SH3RF3: variants seen among roughly 807,000 people sequenced by gnomAD.
SH3RF3 encodes SH3 domain containing ring finger 3.
Under a neutral mutation model 66.3 loss-of-function variants are expected in SH3RF3, and 29 were observed. That is an observed-to-expected ratio of 0.44 (90% confidence interval 0.33 to 0.60). The LOEUF (loss-of-function observed/expected upper bound fraction) is 0.60, where lower values mean the gene tolerates loss of function less well. Among genes scored for constraint, SH3RF3 ranks in the 20% least tolerant of loss-of-function variants. The pLI, the probability that SH3RF3 is intolerant of heterozygous loss-of-function variation, is 0.04. For synonymous variants in SH3RF3, 583 were observed against 532.0 expected (o/e 1.10, Z -1.32); for missense variants, 1,194 against 1,190.9 (o/e 1.00, Z -0.04).
chr2:109,453,135 G>A lies in SH3RF3; in HGVS notation c.2148+3646G>A, dbSNP rs565837678. Among the ~76,000 whole-genome samples, 4 of 152,268 alleles carry A rather than the reference G, an allele frequency of 2.6e-5. No individual in the cohort carries two copies. The East Asian group carries it at 5.8e-4, about 22-fold the overall frequency. ...GGATAATACAAGTGCAGACAGAGTG[G>A]CAGTTCTTTCTCCAGACCCATTCCT... On this transcript the variant is annotated intron_variant, in intron 8 of 9. Transcript: ENST00000309415.
intron 8 of SH3RF3, among the ~76,000 whole-genome samples, chr2:109,480,367 A>C (rs1678805246): frequency 6.6e-6 from 1 of 152,128 alleles, no homozygotes; most frequent in Non-Finnish European, 1.5e-5. Flanking sequence ...AACAGAAGAC[A>C]TAAGGCATTT....
At chr2:109,144,872 C>T (rs113607731) in intron 1 of SH3RF3, among the ~76,000 whole-genome samples, 22 of 152,244 alleles carry the variant, frequency 1.4e-4, no homozygotes, top group Admixed American at 1.4e-3. Context: ...GAATAGGCCT[C>T]GCTCAGCAAG....
At chr2:109,460,672 C>A (rs1044723329) in intron 8 of SH3RF3, among the ~76,000 whole-genome samples, 12 of 152,144 alleles carry the variant, frequency 7.9e-5, no homozygotes, top group Non-Finnish European at 1.8e-4. Flanking sequence ...ACATGTTTTC[C>A]CATTGAAAGA....
chr2:109,372,890 A>G (rs1658517371), intron 3 of SH3RF3, among the ~76,000 whole-genome samples: 1 of 152,204 alleles, frequency 6.6e-6, no homozygotes, highest in African/African-American at 2.4e-5. Context: ...CAGATACTTA[A>G]AGATGTTTGT....
intron 1 of SH3RF3, among the ~76,000 whole-genome samples, chr2:109,343,967 C>A (rs1368922067): frequency 6.6e-6 from 1 of 152,134 alleles, no homozygotes; most frequent in Non-Finnish European, 1.5e-5. Flanking sequence ...TAGCCTTAAA[C>A]TCCTGGCCTC....
At chr2:109,239,990 A>G (rs868252052) in intron 1 of SH3RF3, among the ~76,000 whole-genome samples, 28 of 152,314 alleles carry the variant, frequency 1.8e-4, no homozygotes, top group Middle Eastern at 3.4e-3. Context: ...CCTCTGTGGA[A>G]TGCTTGCTGG....
intron 3 of SH3RF3, among the ~76,000 whole-genome samples, chr2:109,373,110 G>A (rs1683309199): frequency 6.6e-6 from 1 of 152,128 alleles, no homozygotes; most frequent in African/African-American, 2.4e-5. Flanking sequence ...CCACAGCAAT[G>A]GCAGATAATT....
intron 2 of SH3RF3, among the ~76,000 whole-genome samples, chr2:109,360,172 T>C (rs1683027169): frequency 6.6e-6 from 1 of 152,192 alleles, no homozygotes; most frequent in Non-Finnish European, 1.5e-5. Flanking sequence ...TAACAGCTGA[T>C]ACAGGTATTC....
At chr2:109,270,509 A>C (rs1206967658) in intron 1 of SH3RF3, among the ~76,000 whole-genome samples, 1 of 152,118 alleles carries the variant, frequency 6.6e-6, no homozygotes, top group Non-Finnish European at 1.5e-5. Context: ...TGTGGACAGG[A>C]GGGTGAGTAG....
intron 7 of SH3RF3, among the ~76,000 whole-genome samples, chr2:109,448,630 G>T (rs950014915): frequency 6.6e-6 from 1 of 152,200 alleles, no homozygotes; most frequent in African/African-American, 2.4e-5. Flanking sequence ...GGCCTGTCTA[G>T]TTGCAGGAAA....
chr2:109,298,542 CTT>C (rs910924176), intron 1 of SH3RF3, among the ~76,000 whole-genome samples: 1 of 152,112 alleles, frequency 6.6e-6, no homozygotes, highest in African/African-American at 2.4e-5. Context: ...CTGACCTTGA[CTT>C]TGGCCAACTG....
intron 1 of SH3RF3, among the ~76,000 whole-genome samples, chr2:109,172,580 C>T (rs1490225634): frequency 6.6e-6 from 1 of 152,174 alleles, no homozygotes; most frequent in Admixed American, 6.5e-5. Flanking sequence ...GATTATTGGG[C>T]TGCACCTGGC....
intron 8 of SH3RF3, among the ~76,000 whole-genome samples, chr2:109,465,461 T>A (rs1678316134): frequency 6.6e-6 from 1 of 152,218 alleles, no homozygotes; most frequent in African/African-American, 2.4e-5. Flanking sequence ...GAATGAGAGT[T>A]CTCATTGCTT....
At chr2:109,187,040 G>A (rs1678209286) in intron 1 of SH3RF3, among the ~76,000 whole-genome samples, 1 of 149,768 alleles carries the variant, frequency 6.7e-6, no homozygotes, top group Non-Finnish European at 1.5e-5. Context: ...CCACCCCATA[G>A]GTGCTGGCCC....
intron 1 of SH3RF3, among the ~76,000 whole-genome samples, chr2:109,148,338 G>A (rs545972164): frequency 1.1e-3 from 168 of 152,364 alleles, no homozygotes; most frequent in Non-Finnish European, 2.0e-3. Flanking sequence ...AGGCCAGAGC[G>A]CCATCCGTGG....
rs76328162 is a variant in SH3RF3, at chr2:109,172,148, G to A, written c.573+42035G>A. ...AGAGCGGGTGGGGAGCAGGTCTCCCGGAGCCATCTGGAATATGCCGATGAG... is the reference window on the plus strand; with the variant it reads ...AGAGCGGGTGGGGAGCAGGTCTCCCAGAGCCATCTGGAATATGCCGATGAG... On this transcript the variant is annotated intron_variant, in intron 1 of 9. Transcript: ENST00000309415. Among the ~76,000 whole-genome samples the A allele has an allele frequency of 9.5e-3, 1,444 of 152,294 alleles. 33 individuals are homozygous for A. Among genetic ancestry groups the A allele is most frequent in the African/African-American group, 0.032 (1,349 of 41,560 alleles).
At chr2:109,353,189 C>T (rs1241587140) in intron 2 of SH3RF3, among the ~76,000 whole-genome samples, 2 of 152,258 alleles carry the variant, frequency 1.3e-5, no homozygotes, top group Admixed American at 6.5e-5. Context: ...CCTCAAGGGC[C>T]TGATCCACTT....
At chr2:109,363,876 CTTTCAGGATTT>C (rs1175296685) in intron 2 of SH3RF3, among the ~76,000 whole-genome samples, 1 of 152,120 alleles carries the variant, frequency 6.6e-6, no homozygotes, top group African/African-American at 2.4e-5. Flanking sequence ...CCTCTGACTT[CTTTCAGGATTT>C]TTTCTTTATC....
intron 1 of SH3RF3, among the ~76,000 whole-genome samples, chr2:109,265,765 A>G (rs1680474943): frequency 2.0e-5 from 3 of 152,252 alleles, no homozygotes; most frequent in African/African-American, 7.2e-5. Flanking sequence ...AATTTAAAAA[A>G]AGAGATTGGC....
Sources: gnomAD v4.1 joint callset for allele counts (sites outside exome capture counted in the v4.1 genomes callset) on GRCh38, gnomAD v4.1.1 for gene constraint, MANE v1.5 for transcripts, NCBI Gene and HGNC (gene_info 2026-07-23, HGNC 2026-07-21) for gene names.